CTNNA2: variants seen among roughly 807,000 people sequenced by gnomAD.
CTNNA2 encodes the protein catenin alpha-2.
A neutral mutation model predicts 101.0 loss-of-function variants in CTNNA2; 42 were observed. The observed-to-expected ratio is 0.42, with a 90% CI of 0.32 to 0.54. CTNNA2 has a LOEUF of 0.54. Ranked by LOEUF, CTNNA2 falls within the 20% of genes least tolerant of loss-of-function variation. The pLI is 0.14. For missense variants in CTNNA2, 871 were observed against 1,223.1 expected (o/e 0.71, Z 4.29); for synonymous variants, 450 against 456.4 (o/e 0.99, Z 0.18).
At chr2:80,612,946 C>T (rs954082822) in intron 17 of CTNNA2, 4 of 151,440 alleles carry the variant, frequency 2.6e-5, no homozygotes, top group African/African-American at 7.3e-5. Flanking sequence ...CCAGACCTTC[C>T]GTGCTTAAAG....
intron 2 of CTNNA2, among the ~76,000 whole-genome samples, chr2:79,283,528 T>C (rs1467769424): frequency 7.1e-6 from 1 of 140,170 alleles, no homozygotes; most frequent in Non-Finnish European, 1.6e-5. Flanking sequence ...CCTTTCCCTA[T>C]TGCTTGTTTT....
At chr2:80,199,598 A>C (rs1343821291) in intron 7 of CTNNA2, among the ~76,000 whole-genome samples, 2 of 152,240 alleles carry the variant, frequency 1.3e-5, no homozygotes, top group Admixed American at 1.3e-4. Context: ...GGGAAAGGGC[A>C]GTACATTTCA....
intron 4 of CTNNA2, among the ~76,000 whole-genome samples, chr2:79,412,602 C>T (rs1353752670): frequency 3.3e-5 from 5 of 150,944 alleles, no homozygotes; most frequent in East Asian, 2.0e-4. Context: ...CACTCAAAAC[C>T]GCTCAACTAC....
At chr2:79,961,563 C>T (rs1202978259) in intron 7 of CTNNA2, among the ~76,000 whole-genome samples, 1 of 152,176 alleles carries the variant, frequency 6.6e-6, no homozygotes, top group Non-Finnish European at 1.5e-5. Flanking sequence ...TGGCTCACGC[C>T]TGTAATCCCA....
At chr2:79,263,286 T>C (rs1573004762) in intron 2 of CTNNA2, among the ~76,000 whole-genome samples, 1 of 152,138 alleles carries the variant, frequency 6.6e-6, no homozygotes, top group Admixed American at 6.6e-5. Context: ...CCCTCATGAA[T>C]GGCTTGGTGC....
At chr2:79,543,273 A>G (rs1053709258) in intron 1 of CTNNA2, among the ~76,000 whole-genome samples, 2 of 152,196 alleles carry the variant, frequency 1.3e-5, no homozygotes, top group Non-Finnish European at 2.9e-5. Flanking sequence ...GTAATATCCA[A>G]AAAAGACAAA....
At chr2:80,086,614 C>T (rs1434885695) in intron 7 of CTNNA2, among the ~76,000 whole-genome samples, 1 of 151,948 alleles carries the variant, frequency 6.6e-6, no homozygotes, top group East Asian at 1.9e-4. Flanking sequence ...CTTAGGACCC[C>T]GGGCAAGGCA....
intron 2 of CTNNA2, among the ~76,000 whole-genome samples, chr2:79,661,303 A>T (rs375507889): frequency 1.3e-5 from 2 of 152,250 alleles, no homozygotes; most frequent in Non-Finnish European, 2.9e-5. Context: ...CAAGCTAACT[A>T]TATTAACATT....
chr2:80,439,699 C>T (rs1380545097), intron 9 of CTNNA2, among the ~76,000 whole-genome samples: 1 of 152,122 alleles, frequency 6.6e-6, no homozygotes, highest in Non-Finnish European at 1.5e-5. Context: ...CCACGCCAGG[C>T]CTTATCTTAT....
intron 3 of CTNNA2, among the ~76,000 whole-genome samples, chr2:79,323,874 C>T (rs2104411869): frequency 6.6e-6 from 1 of 152,188 alleles, no homozygotes; most frequent in Admixed American, 6.5e-5. Flanking sequence ...TATATCTGGT[C>T]AGGATGCCTG....
intron 7 of CTNNA2, among the ~76,000 whole-genome samples, chr2:80,249,582 AAAG>A (rs1267149485): frequency 1.3e-5 from 2 of 152,346 alleles, no homozygotes; most frequent in African/African-American, 2.4e-5. Flanking sequence ...ATTAATTAAA[AAAG>A]AAGAAGACAT....
At position 79,779,670 on chromosome 2, in the gene CTNNA2, A is replaced by G. The variant is rs192697193; in HGVS notation, c.298+35088A>G. On this transcript the variant is annotated intron_variant, in intron 3 of 18. Coordinates refer to ENST00000402739, the MANE Select transcript of CTNNA2 (RefSeq NM_001282597.3). Reference sequence around the variant, plus strand: ...TATGCTGGACTTTCCTAAAGTCTTTATACTACCCATGATGACCCTGGATGT... The same window carrying G: ...TATGCTGGACTTTCCTAAAGTCTTTGTACTACCCATGATGACCCTGGATGT... Among the ~76,000 whole-genome samples, 128 of 152,280 alleles carry G rather than the reference A, an allele frequency of 8.4e-4. 1 individual carries two copies. The highest frequency in any genetic ancestry group is 2.7e-3 in the African/African-American group (111 of 41,548).
At chr2:80,300,518 T>G (rs555637539) in intron 7 of CTNNA2, among the ~76,000 whole-genome samples, 1 of 152,064 alleles carries the variant, frequency 6.6e-6, no homozygotes, top group East Asian at 1.9e-4. Flanking sequence ...AAAAAGCTGA[T>G]TTTGCCTCCT....
intron 3 of CTNNA2, among the ~76,000 whole-genome samples, chr2:79,784,463 TCA>T (rs1420741638): frequency 6.6e-6 from 1 of 150,620 alleles, no homozygotes; most frequent in Non-Finnish European, 1.5e-5. Context: ...AACTACAGAC[TCA>T]CATATCCAAC....
chr2:79,250,423 G>T (rs1674755539), intron 2 of CTNNA2, among the ~76,000 whole-genome samples: 2 of 152,036 alleles, frequency 1.3e-5, no homozygotes. Context: ...GTAATTACTG[G>T]GTTTACTTGG....
chr2:79,792,500 G>A (rs139875702), intron 3 of CTNNA2, among the ~76,000 whole-genome samples: 1 of 152,242 alleles, frequency 6.6e-6, no homozygotes, highest in African/African-American at 2.4e-5. Context: ...GTGACATGCT[G>A]GATGAAGGAA....
At chr2:80,618,022 T>A (rs924707623) in intron 17 of CTNNA2, among the ~76,000 whole-genome samples, 1 of 151,890 alleles carries the variant, frequency 6.6e-6, no homozygotes, top group African/African-American at 2.4e-5. Flanking sequence ...TTTCAGGATG[T>A]GCCTGCTCTT....
intron 9 of CTNNA2, among the ~76,000 whole-genome samples, chr2:80,486,020 T>C (rs955454214): frequency 2.6e-5 from 4 of 152,162 alleles, no homozygotes; most frequent in African/African-American, 9.7e-5. Context: ...TTCCAGCTCC[T>C]AATTACACCC....
intron 4 of CTNNA2, among the ~76,000 whole-genome samples, chr2:79,477,455 G>A (rs941990193): frequency 2.6e-5 from 4 of 152,094 alleles, no homozygotes; most frequent in Admixed American, 6.5e-5. Flanking sequence ...ACAGGCATGA[G>A]CCATCACACC....
Sources: allele counts gnomAD v4.1 joint callset (sites outside exome capture counted in the v4.1 genomes callset), GRCh38; gene constraint gnomAD v4.1.1; transcripts MANE v1.5; gene names NCBI Gene and HGNC (gene_info 2026-07-23, HGNC 2026-07-21).